The following TOX variants were observed in gnomAD, a reference collection of about 807,000 sequenced individuals.
TOX encodes the protein thymocyte selection associated high mobility group box, also known as thymocyte selection-associated high mobility group box protein TOX.
TOX carries 11 observed loss-of-function variants against 53.7 expected under a neutral mutation model. The observed-to-expected ratio is 0.20, with a 90% CI of 0.13 to 0.34. TOX has a LOEUF of 0.34. Among genes scored for constraint, TOX ranks in the 10% least tolerant of loss-of-function variants. The pLI is 1.00. For synonymous variants in TOX, 225 were observed against 245.3 expected (o/e 0.92, Z 0.77); for missense variants, 570 against 664.6 (o/e 0.86, Z 1.56).
Position 58,820,834 on chromosome 8 carries a change from C to T in TOX, c.1006-5110G>A, listed in dbSNP as rs943778794. On this transcript the variant is annotated intron_variant, in intron 6 of 8. Transcript: ENST00000361421. The stretch of plus-strand genomic sequence containing the variant: ...CAAGGTGACTACTTTGAATGCAACA[C>T]TCATTTTGGGAATATAAATTCTGGT... Among the ~76,000 whole-genome samples the T allele has an allele frequency of 7.9e-5, 12 of 152,260 alleles. No individual in the cohort carries two copies. The East Asian group carries it at 2.1e-3, about 27-fold the overall frequency.
At chr8:58,868,745 A>G (rs1811145580) in intron 3 of TOX, among the ~76,000 whole-genome samples, 2 of 151,706 alleles carry the variant, frequency 1.3e-5, no homozygotes, top group Admixed American at 1.3e-4. Flanking sequence ...AAAATCAATA[A>G]CTTAAGCTTC....
intron 2 of TOX, among the ~76,000 whole-genome samples, chr8:58,949,424 T>C (rs1247851316): frequency 6.6e-6 from 1 of 152,200 alleles, no homozygotes; most frequent in East Asian, 1.9e-4. Context: ...ATCCACTTAT[T>C]TCCTTAGGAT....
rs535943144 is a variant in TOX at position 58,944,722 on chromosome 8, A to G, written c.169-5178T>C. ...TAATAATATGTGTTTGCCAGATACAAAGTTCTGGATAAACAATGGCTTTAT... is the reference window on the plus strand; with the variant it reads ...TAATAATATGTGTTTGCCAGATACAGAGTTCTGGATAAACAATGGCTTTAT... On this transcript the variant is annotated intron_variant, in intron 2 of 8. Transcript: ENST00000361421. 4.6e-5 allele frequency among the ~76,000 whole-genome samples: 7 copies of G among 152,282 alleles called. No homozygotes were observed. In the South Asian group the frequency reaches 1.5e-3, roughly 32 times the overall value.
At chr8:58,951,496 G>T (rs192176096) in intron 2 of TOX, among the ~76,000 whole-genome samples, 171 of 152,030 alleles carry the variant, frequency 1.1e-3, no homozygotes, top group Non-Finnish European at 2.0e-3. Flanking sequence ...AAAAAACTTT[G>T]CACCCATAGT....
intron 5 of TOX, among the ~76,000 whole-genome samples, chr8:58,834,664 T>C (rs1810518696): frequency 6.6e-6 from 1 of 152,220 alleles, no homozygotes; most frequent in African/African-American, 2.4e-5. Flanking sequence ...CCGATGACTC[T>C]AGCAAACTGC....
chr8:59,080,791 C>T (rs1441046011), intron 1 of TOX, among the ~76,000 whole-genome samples: 3 of 152,132 alleles, frequency 2.0e-5, no homozygotes, highest in African/African-American at 4.8e-5. Context: ...TTGCCCTCCA[C>T]CATGATTGTA....
intron 6 of TOX, among the ~76,000 whole-genome samples, chr8:58,825,598 A>G (rs1338527818): frequency 6.6e-6 from 1 of 152,194 alleles, no homozygotes; most frequent in African/African-American, 2.4e-5. Flanking sequence ...CTCTGACTAA[A>G]ACTCTATTTA....
chr8:58,888,200 G>A (rs1235455863), intron 3 of TOX, among the ~76,000 whole-genome samples: 1 of 152,004 alleles, frequency 6.6e-6, no homozygotes, highest in African/African-American at 2.4e-5. Flanking sequence ...TGCAGTTCAT[G>A]ACTGTATTTC....
intron 1 of TOX, among the ~76,000 whole-genome samples, chr8:59,042,185 C>G (rs1432503689): frequency 6.6e-6 from 1 of 152,202 alleles, no homozygotes; most frequent in Non-Finnish European, 1.5e-5. Flanking sequence ...TTACGGGAAT[C>G]TGATATTCAT....
At chr8:59,042,168 T>G (rs1393377366) in intron 1 of TOX, among the ~76,000 whole-genome samples, 1 of 152,272 alleles carries the variant, frequency 6.6e-6, no homozygotes, top group East Asian at 1.9e-4. Context: ...GCCAAAAAAA[T>G]CCAAGATTAC....
chr8:59,047,074 G>C (rs1272653537), intron 1 of TOX, among the ~76,000 whole-genome samples: 3 of 152,124 alleles, frequency 2.0e-5, no homozygotes, highest in African/African-American at 7.2e-5. Flanking sequence ...CATGGAGAAA[G>C]GGAAGAAGCA....
At chr8:58,872,933 T>C (rs1811222638) in intron 3 of TOX, among the ~76,000 whole-genome samples, 1 of 152,126 alleles carries the variant, frequency 6.6e-6, no homozygotes, top group Non-Finnish European at 1.5e-5. Flanking sequence ...TGTAAGATGT[T>C]AAAAATAGGG....
intron 2 of TOX, among the ~76,000 whole-genome samples, chr8:58,948,296 A>G (rs1437307007): frequency 6.6e-6 from 1 of 152,150 alleles, no homozygotes; most frequent in African/African-American, 2.4e-5. Context: ...ACATACTTCC[A>G]GGAAAGTCCT....
At chr8:58,816,885 G>A (rs1810188901) in intron 6 of TOX, among the ~76,000 whole-genome samples, 2 of 152,090 alleles carry the variant, frequency 1.3e-5, no homozygotes, top group African/African-American at 2.4e-5. Context: ...AACTCAGGCC[G>A]GGTAGCTTCA....
At chr8:58,906,987 A>G (rs1228597501) in intron 3 of TOX, among the ~76,000 whole-genome samples, 1 of 152,224 alleles carries the variant, frequency 6.6e-6, no homozygotes, top group Non-Finnish European at 1.5e-5. Flanking sequence ...CTGAAAGTCT[A>G]AATCTCTTTT....
intron 1 of TOX, among the ~76,000 whole-genome samples, chr8:59,034,884 T>G (rs974938617): frequency 6.6e-6 from 1 of 152,114 alleles, no homozygotes; most frequent in Non-Finnish European, 1.5e-5. Flanking sequence ...ATGAGTATCA[T>G]CCCCATTTTA....
chr8:59,110,607 G>A (rs1804998051), intron 1 of TOX, among the ~76,000 whole-genome samples: 1 of 151,946 alleles, frequency 6.6e-6, no homozygotes, highest in African/African-American at 2.4e-5. Context: ...GGAACAAGAG[G>A]GCATTTCCCT....
At chr8:58,909,917 C>G (rs960889637) in intron 3 of TOX, among the ~76,000 whole-genome samples, 12 of 152,136 alleles carry the variant, frequency 7.9e-5, no homozygotes, top group African/African-American at 1.2e-4. Context: ...CTTGGCCTCC[C>G]AAAGTGCTGG....
chr8:59,030,658 C>T (rs1008173953), intron 1 of TOX, among the ~76,000 whole-genome samples: 1 of 152,146 alleles, frequency 6.6e-6, no homozygotes, highest in African/African-American at 2.4e-5. Flanking sequence ...TTGGTAACAT[C>T]TAGGTTACTG....
Sources: gnomAD v4.1 joint callset for allele counts (sites outside exome capture counted in the v4.1 genomes callset) on GRCh38, gnomAD v4.1.1 for gene constraint, MANE v1.5 for transcripts, NCBI Gene and HGNC (gene_info 2026-07-23, HGNC 2026-07-21) for gene names.